Variants in PYHIN1 observed in about 807,000 individuals in gnomAD.
PYHIN1 encodes the protein pyrin and HIN domain-containing protein 1.
Under a neutral mutation model 43.7 loss-of-function variants are expected in PYHIN1, and 32 were observed. The observed-to-expected ratio is 0.73, with a 90% CI of 0.55 to 0.98. The LOEUF (loss-of-function observed/expected upper bound fraction) is 0.98. PYHIN1 is among the 50% of genes least tolerant of loss of function. The pLI is 0.00. For synonymous variants in PYHIN1, 205 were observed against 203.1 expected (o/e 1.01, Z -0.08); for missense variants, 588 against 589.5 (o/e 1.00, Z 0.03).
At chr1:158,956,452 T>C (rs1289046617) in intron 7 of PYHIN1, among the ~76,000 whole-genome samples, 5 of 151,716 alleles carry the variant, frequency 3.3e-5, no homozygotes, top group East Asian at 1.9e-4. Flanking sequence ...GTTCAATATA[T>C]GCAAATCAAT....
At position 158,943,937 on chromosome 1, in the gene PYHIN1, A is replaced by C; in HGVS notation, c.1150A>C (p.Asn384His). 6.2e-7 allele frequency: 1 copy of C among 1,607,886 alleles called. No homozygotes were observed. Among genetic ancestry groups the C allele is most frequent in the Non-Finnish European group, 8.5e-7 (1 of 1,175,728 alleles). ...LFCFRLRKRE[N>H]MSKLMSEMHS... is the part of the protein sequence containing the mutation. ...CTGCTTTCGACTGAGAAAGAGGGAA[A>C]ATATGTCAAAACTGATGTCAGAAAT... Residue 384 changes from asparagine (N) to histidine (H), a missense_variant, in exon 6 of 9, where the codon AAT becomes CAT. Transcript: ENST00000368140.
intron 7 of PYHIN1, among the ~76,000 whole-genome samples, chr1:158,957,839 T>C (rs1300193876): frequency 6.9e-6 from 1 of 145,812 alleles, no homozygotes; most frequent in African/African-American, 2.5e-5. Flanking sequence ...TGGGAGAAAA[T>C]TTTCACAACC....
chr1:158,953,082 C>A (rs112042418), intron 7 of PYHIN1, among the ~76,000 whole-genome samples: 16,888 of 152,194 alleles, frequency 0.11, 1,086 homozygotes, highest in Non-Finnish European at 0.12. Context: ...TTATATCCTG[C>A]ACCTGGCTCC....
At chr1:158,958,543 A>C (rs1166826941) in intron 7 of PYHIN1, among the ~76,000 whole-genome samples, 1 of 142,664 alleles carries the variant, frequency 7.0e-6, no homozygotes, top group Non-Finnish European at 1.5e-5. Flanking sequence ...ACTCATAGGT[A>C]GGAATTGAAC....
intron 7 of PYHIN1, among the ~76,000 whole-genome samples, chr1:158,961,197 T>C (rs536997324): frequency 3.3e-5 from 5 of 152,322 alleles, no homozygotes; most frequent in African/African-American, 1.2e-4. Context: ...CACAGCCTTA[T>C]ACATAAGAGA....
chr1:158,935,284 G>T (rs1246550449), intron 1 of PYHIN1, among the ~76,000 whole-genome samples: 1 of 145,856 alleles, frequency 6.9e-6, no homozygotes, highest in Non-Finnish European at 1.5e-5. Context: ...GAACACACAA[G>T]TGCCAGAGGT....
chr1:158,961,932 C>T (rs1650345907), intron 7 of PYHIN1, among the ~76,000 whole-genome samples: 1 of 152,164 alleles, frequency 6.6e-6, no homozygotes, highest in African/African-American at 2.4e-5. Context: ...CTAAGCCTCG[C>T]CTCCACTGCA....
chr1:158,963,351 T>C (rs1420378855), intron 7 of PYHIN1, among the ~76,000 whole-genome samples: 4 of 152,128 alleles, frequency 2.6e-5, no homozygotes, highest in Non-Finnish European at 4.4e-5. Flanking sequence ...CCAATTGCAC[T>C]GGCTGATAGC....
At chr1:158,970,307 TA>T (rs1350038109) in intron 7 of PYHIN1, among the ~76,000 whole-genome samples, 4 of 152,032 alleles carry the variant, frequency 2.6e-5, no homozygotes, top group African/African-American at 9.7e-5. Flanking sequence ...GTTAATGATT[TA>T]GGGGGTACAA....
Position 158,941,965 on chromosome 1 carries a change from T to C in PYHIN1, c.580-12T>C. On this transcript the variant is annotated splice_polypyrimidine_tract_variant and intron_variant, in intron 4 of 8. Transcript: ENST00000368140. ...AAATTTCTTTTTTGTATTCCTTTTG[T>C]ATCATGCGCAGAGCCTAAAACCATT... is the stretch of plus-strand genomic sequence containing the variant. 3.2e-6 allele frequency: 5 copies of C among 1,565,690 alleles called. No homozygotes were observed. Among genetic ancestry groups the C allele is most frequent in the Non-Finnish European group, 3.4e-6 (4 of 1,160,434 alleles).
At chr1:158,972,685 A>G (rs1651002166) in intron 7 of PYHIN1, among the ~76,000 whole-genome samples, 1 of 151,866 alleles carries the variant, frequency 6.6e-6, no homozygotes, top group Non-Finnish European at 1.5e-5. Flanking sequence ...CATACATGGT[A>G]CTCCCTTTGT....
intron 7 of PYHIN1, among the ~76,000 whole-genome samples, chr1:158,966,579 T>A (rs1650645911): frequency 6.6e-6 from 1 of 152,048 alleles, no homozygotes; most frequent in Admixed American, 6.6e-5. Flanking sequence ...AAACAATAAA[T>A]GTGGTTCATC....
At chr1:158,950,769 C>G (rs150446228) in intron 7 of PYHIN1, among the ~76,000 whole-genome samples, 1 of 152,060 alleles carries the variant, frequency 6.6e-6, no homozygotes, top group Non-Finnish European at 1.5e-5. Flanking sequence ...AGGGTGGAGT[C>G]GGCACGTTCT....
intron 4 of PYHIN1, chr1:158,939,547 C>T (rs1000277345): frequency 1.9e-6 from 3 of 1,542,060 alleles, no homozygotes; most frequent in Non-Finnish European, 2.6e-6. Flanking sequence ...TACACCCATT[C>T]CCTTTGCTCA....
At chr1:158,958,126 G>A (rs1356173237) in intron 7 of PYHIN1, among the ~76,000 whole-genome samples, 1 of 150,798 alleles carries the variant, frequency 6.6e-6, no homozygotes. Context: ...GAGAGGATGT[G>A]GAGAAATAGG....
At chr1:158,965,028 A>G (rs1650551921) in intron 7 of PYHIN1, among the ~76,000 whole-genome samples, 1 of 152,200 alleles carries the variant, frequency 6.6e-6, no homozygotes, top group African/African-American at 2.4e-5. Context: ...GCTCAAAATA[A>G]AAGGACAAAG....
intron 7 of PYHIN1, among the ~76,000 whole-genome samples, chr1:158,945,729 C>T (rs549122596): frequency 1.3e-5 from 2 of 152,284 alleles, no homozygotes; most frequent in East Asian, 1.9e-4. Context: ...GTCAGTGTAG[C>T]ACATGATATA....
chr1:158,936,901 A>G lies in PYHIN1; in HGVS notation c.-10A>G, dbSNP rs1648579248. 1.9e-6 allele frequency: 3 copies of G among 1,560,080 alleles called. No individual in the cohort carries two copies. The highest frequency in any genetic ancestry group is 1.4e-5 in the African/African-American group (1 of 72,932). On this transcript the variant is annotated 5_prime_UTR_variant, in exon 2 of 9. In the 5' UTR this introduces an upstream ATG that the reference lacks. Transcript: ENST00000368140. ...ATTTTTCTCTTGCAGGCTCACTTATATCTTTAGAGATGGCAAATAACTACA... is the reference window on the plus strand; with the variant it reads ...ATTTTTCTCTTGCAGGCTCACTTATGTCTTTAGAGATGGCAAATAACTACA...
At chr1:158,937,944 C>CAAAAAAAAA (rs11444947) in intron 2 of PYHIN1, among the ~76,000 whole-genome samples, 2 of 114,188 alleles carry the variant, frequency 1.8e-5, no homozygotes, top group Non-Finnish European at 3.5e-5. Flanking sequence ...GACTCCGTCT[C>CAAAAAAAAA]AAAAAAAAAA....
Sources: allele counts gnomAD v4.1 joint callset (sites outside exome capture counted in the v4.1 genomes callset), GRCh38; gene constraint gnomAD v4.1.1; transcripts MANE v1.5; gene names NCBI Gene and HGNC (gene_info 2026-07-23, HGNC 2026-07-21).